Variants in B3GNT9 observed in about 807,000 individuals in gnomAD.
B3GNT9 encodes BGnT-9.
For synonymous variants in B3GNT9, 359 were observed against 283.9 expected (o/e 1.26, Z -2.66); for missense variants, 669 against 599.2 (o/e 1.12, Z -1.22).
rs952374866 is a variant in B3GNT9 at position 67,150,047 on chromosome 16, C to G, written c.439G>C (p.Gly147Arg). The change falls in exon 2 of 2, where the codon GGG becomes CGG. Residue 147 changes from glycine (G) to arginine (R), a missense_variant. Coordinates refer to ENST00000449549, the MANE Select transcript of B3GNT9 (RefSeq NM_033309.3). Reference sequence around the variant, plus strand: ...AAGAACACGCGGCGCACCAGCGCCCCCTGCACGCGACCCTCCGCGCCCCAC... The same window carrying G: ...AAGAACACGCGGCGCACCAGCGCCCGCTGCACGCGACCCTCCGCGCCCCAC... The part of the protein sequence containing the change: ...QTWGAEGRVQ[G>R]ALVRRVFLLG... 5.3e-6 allele frequency: 8 copies of G among 1,500,836 alleles called. No individual in the cohort carries two copies. The highest frequency in any genetic ancestry group is 4.3e-5 in the African/African-American group (3 of 69,846). The allele number at this position is 1,500,836 out of a possible 1,614,324, so 93.0% of individuals were successfully genotyped here.
At position 67,149,334 on chromosome 16, in the gene B3GNT9, C is replaced by A; in HGVS notation, c.1152G>T (p.Gly384=). Residue 384 remains glycine, a synonymous_variant, in exon 2 of 2, where the codon GGG becomes GGT. Coordinates refer to ENST00000449549, the MANE Select transcript of B3GNT9 (RefSeq NM_033309.3). ...CAGGCTGTGGATGCGCACAGGCTGGCCCATGCGGCCCGTGCAGCAGGCGCC... is the reference window on the plus strand; with the variant it reads ...CAGGCTGTGGATGCGCACAGGCTGGACCATGCGGCCCGTGCAGCAGGCGCC... ...LMWRLLHGPH[G]PACAHPQPVA... is the part of the protein sequence containing the mutation. 1 of 1,596,708 alleles carries A rather than the reference C, an allele frequency of 6.3e-7. No individual in the cohort carries two copies.
In B3GNT9 at chr16:67,149,595, G is replaced by C. The variant is rs1320358023; in HGVS notation, c.891C>G (p.Ala297=). The C allele has an allele frequency of 1.3e-6, 2 of 1,599,668 alleles. No individual in the cohort carries two copies. Reference sequence around the variant, plus strand: ...AGGCGCCAGCCAGGCGGTGCAGCGTGGCCCCGGAAAGCACAAAGCCACCGC... The same window carrying C: ...AGGCGCCAGCCAGGCGGTGCAGCGTCGCCCCGGAAAGCACAAAGCCACCGC... ...AGGGGFVLSG[A]TLHRLAGACA... Residue 297 remains alanine, a synonymous_variant, in exon 2 of 2, where the codon GCC becomes GCG. Transcript: ENST00000449549.
rs1180977178 is a variant in B3GNT9, at chr16:67,149,583, G to A, written c.903C>T (p.Arg301=). 6.2e-7 allele frequency: 1 copy of A among 1,602,554 alleles called. No homozygotes were observed. Among genetic ancestry groups the A allele is most frequent in the Non-Finnish European group, 8.5e-7 (1 of 1,175,012 alleles). ...GFVLSGATLH[R]LAGACAQVEL... ...CGACCTGCGCACAGGCGCCAGCCAG[G>A]CGGTGCAGCGTGGCCCCGGAAAGCA... is the stretch of plus-strand genomic sequence containing the variant. The change falls in exon 2 of 2, where the codon CGC becomes CGT. Residue 301 remains arginine (R), a synonymous_variant. Transcript: ENST00000449549.
Position 67,150,204 on chromosome 16 carries a change from C to A in B3GNT9, c.282G>T (p.Arg94=). Residue 94 remains arginine, a synonymous_variant, in exon 2 of 2, where the codon CGG becomes CGT. Coordinates refer to ENST00000449549, the MANE Select transcript of B3GNT9 (RefSeq NM_033309.3). ...GCTGGTTAATGAGCAGTGGAAACCGCCGCTGGTCCTTGGCGCGCAAATAGC... is the reference window on the plus strand; with the variant it reads ...GCTGGTTAATGAGCAGTGGAAACCGACGCTGGTCCTTGGCGCGCAAATAGC... ...FARYLRAKDQ[R]RFPLLINQPH... 1 of 1,555,904 alleles carries A rather than the reference C, an allele frequency of 6.4e-7. No individual in the cohort carries two copies. Among genetic ancestry groups the A allele is most frequent in the Non-Finnish European group, 8.7e-7 (1 of 1,153,786 alleles).
At position 67,148,876 on chromosome 16, in the gene B3GNT9, CCTCCCTGTGGGGCCTG is replaced by C. The variant is rs147313315; in HGVS notation, c.*385_*400del. The C allele has an allele frequency of 0.045, 7,624 of 169,328 alleles. 541 individuals carry two copies. Among genetic ancestry groups the C allele is most frequent in the African/African-American group, 0.16 (6,581 of 42,276 alleles). 10.5% of individuals were successfully genotyped at this position (169,328 alleles called of 1,614,324 possible). ...GGCTGTGGCGGCCGGAGCCCCTCCA[CCTCCCTGTGGGGCCTG>C]GCCTTGAGAGCCTCTGCATACGTCC... On this transcript the variant is annotated 3_prime_UTR_variant, in exon 2 of 2. Coordinates refer to ENST00000449549, the MANE Select transcript of B3GNT9 (RefSeq NM_033309.3).
chr16:67,150,489 C>T lies in B3GNT9; in HGVS notation c.-4G>A, dbSNP rs761378828. The stretch of plus-strand genomic sequence containing the variant: ...GTAGGCGCAGCCTCCTCCTCATCTC[C>T]GCGCGGCCTGCGCCCTCCCTCCCCT... On this transcript the variant is annotated 5_prime_UTR_variant, in exon 2 of 2. Transcript: ENST00000449549. The T allele has an allele frequency of 3.1e-6, 4 of 1,300,000 alleles. No individual in the cohort carries two copies. In the South Asian group the frequency reaches 7.6e-5, roughly 25 times the overall value. 80.5% of individuals were successfully genotyped at this position (1,300,000 alleles called of 1,614,324 possible). A position where few individuals can be genotyped will look rare whatever the true frequency, so the allele number is the denominator to read the frequency against.
Position 67,150,118 on chromosome 16 carries a change from T to G in B3GNT9, c.368A>C (p.Lys123Thr). Reference protein sequence around the residue: ...GGRPDLLIAVKSVAEDFERRQ... With the variant: ...GGRPDLLIAVTSVAEDFERRQ... ...CCGCTCGAAGTCCTCTGCCACCGACTTGACAGCAATAAGCAGGTCCGGGCG... is the reference window on the plus strand; with the variant it reads ...CCGCTCGAAGTCCTCTGCCACCGACGTGACAGCAATAAGCAGGTCCGGGCG... The change falls in exon 2 of 2, where the codon AAG becomes ACG. Residue 123 changes from lysine to threonine, a missense_variant. Transcript: ENST00000449549. 1 of 1,493,208 alleles carries G rather than the reference T, an allele frequency of 6.7e-7. No individual in the cohort carries two copies. Among genetic ancestry groups the G allele is most frequent in the Non-Finnish European group, 8.9e-7 (1 of 1,123,398 alleles). 92.5% of individuals were successfully genotyped at this position (1,493,208 alleles called of 1,614,324 possible).
chr16:67,150,037 A>C lies in B3GNT9; in HGVS notation c.449T>G (p.Val150Gly). 1 of 1,508,460 alleles carries C rather than the reference A, an allele frequency of 6.6e-7. No individual in the cohort carries two copies. The highest frequency in any genetic ancestry group is 1.3e-5 in the South Asian group (1 of 77,328). The allele number at this position is 1,508,460 out of a possible 1,614,324, so 93.4% of individuals were successfully genotyped here. A position where few individuals can be genotyped will look rare whatever the true frequency, so the allele number is the denominator to read the frequency against. Residue 150 changes from valine (V) to glycine (G), a missense_variant, in exon 2 of 2, where the codon GTG (valine) becomes GGG (glycine). Val to Gly is a moderately radical substitution (Grantham distance 109). Transcript: ENST00000449549. ...GAEGRVQGAL[V>G]RRVFLLGVPR... ...CACGCCCAGCAAGAACACGCGGCGC[A>C]CCAGCGCCCCCTGCACGCGACCCTC...
chr16:67,148,406 G>T lies in B3GNT9; in HGVS notation c.*871C>A, dbSNP rs2030293437. 1 of 152,608 alleles carries T rather than the reference G, an allele frequency of 6.6e-6. No individual in the cohort carries two copies. Among genetic ancestry groups the T allele is most frequent in the Admixed American group, 6.5e-5 (1 of 15,274 alleles). The allele number at this position is 152,608 out of a possible 1,614,324, so 9.5% of individuals were successfully genotyped here. A position where few individuals can be genotyped will look rare whatever the true frequency, so the allele number is the denominator to read the frequency against. On this transcript the variant is annotated 3_prime_UTR_variant, in exon 2 of 2. Coordinates refer to ENST00000449549, the MANE Select transcript of B3GNT9 (RefSeq NM_033309.3). The stretch of plus-strand genomic sequence containing the variant: ...CCCCTTGCATATCCCCACTGTCAGG[G>T]GCAGCCAGGACTGTTCCCATCCTCC...
chr16:67,149,376 A>G lies in B3GNT9; in HGVS notation c.1110T>C (p.Ala370=), dbSNP rs746274790. Residue 370 remains alanine (A), a synonymous_variant, in exon 2 of 2, where the codon GCT becomes GCC. Coordinates refer to ENST00000449549, the MANE Select transcript of B3GNT9 (RefSeq NM_033309.3). ...ELVVVHGLSA[A]DIWLMWRLLH... ...GCAGGCGCCACATAAGCCAGATGTC[A>G]GCGGCCGAGAGCCCGTGCACTACAA... The G allele has an allele frequency of 1.2e-6, 2 of 1,602,000 alleles. No individual in the cohort carries two copies. Among genetic ancestry groups the G allele is most frequent in the Non-Finnish European group, 1.7e-6 (2 of 1,174,496 alleles).
chr16:67,149,829 G>A lies in B3GNT9; in HGVS notation c.657C>T (p.Cys219=), dbSNP rs1159729389. The change falls in exon 2 of 2, where the codon TGC becomes TGT. Residue 219 remains cysteine, a synonymous_variant. Coordinates refer to ENST00000449549, the MANE Select transcript of B3GNT9 (RefSeq NM_033309.3). ...CCTTAAAAACGAAGCGCACGTCGGG[G>A]CAGAAAGCTGAGGCCCAGGCTAGAA... ...IHFLAWASAF[C]PDVRFVFKGD... is the part of the protein sequence containing the mutation. The A allele has an allele frequency of 4.3e-6, 7 of 1,613,694 alleles. No individual in the cohort carries two copies. In the African/African-American group the frequency reaches 5.3e-5, roughly 12 times the overall value.
Position 67,149,546 on chromosome 16 carries a change from T to C in B3GNT9, c.940A>G (p.Ile314Val). 6.2e-7 allele frequency: 1 copy of C among 1,608,898 alleles called. No homozygotes were observed. The highest frequency in any genetic ancestry group is 8.5e-7 in the Non-Finnish European group (1 of 1,177,890). The change falls in exon 2 of 2, where the codon ATC becomes GTC. Residue 314 changes from isoleucine (I) to valine (V), a missense_variant. Ile to Val is a conservative substitution (Grantham distance 29). Transcript: ENST00000449549. ...GACAQVELFP[I>V]DDVFLGMCLQ... Reference sequence around the variant, plus strand: ...CACATGCCCAGAAAGACGTCGTCGATGGGGAAGAGCTCGACCTGCGCACAG... The same window carrying C: ...CACATGCCCAGAAAGACGTCGTCGACGGGGAAGAGCTCGACCTGCGCACAG...
In B3GNT9 at chr16:67,149,698, G is replaced by C. The variant is rs376245125; in HGVS notation, c.788C>G (p.Pro263Arg). 9 of 1,612,684 alleles carry C rather than the reference G, an allele frequency of 5.6e-6. No individual in the cohort carries two copies. The highest frequency in any genetic ancestry group is 7.6e-6 in the Non-Finnish European group (9 of 1,179,506). ...GTACTTGCTAGCCCGCGTGCGGATGGGCCGCGCATGCACAATTACGTCACC... is the reference window on the plus strand; with the variant it reads ...GTACTTGCTAGCCCGCGTGCGGATGCGCCGCGCATGCACAATTACGTCACC... ...LAGDVIVHAR[P>R]IRTRASKYYI... The change falls in exon 2 of 2, where the codon CCC becomes CGC. Residue 263 changes from proline (P) to arginine (R), a missense_variant. By Grantham distance (103) the Pro-to-Arg change is moderately radical (BLOSUM62 -2). Transcript: ENST00000449549.
rs1159918609 is a variant in B3GNT9, at chr16:67,149,346, G to A, written c.1140C>T (p.His380=). The change falls in exon 2 of 2, where the codon CAC becomes CAT. Residue 380 remains histidine, a synonymous_variant. Transcript: ENST00000449549. ...GCGCACAGGCTGGCCCATGCGGCCC[G>A]TGCAGCAGGCGCCACATAAGCCAGA... ...ADIWLMWRLL[H]GPHGPACAHP... 6.2e-7 allele frequency: 1 copy of A among 1,601,884 alleles called. No homozygotes were observed. Among genetic ancestry groups the A allele is most frequent in the Non-Finnish European group, 8.5e-7 (1 of 1,174,472 alleles).
At chr16:67,150,823 T>G in intron 1 of B3GNT9, 42 bp downstream of exon 1, 1 of 216,146 alleles carries the variant, frequency 4.6e-6, no homozygotes, top group Non-Finnish European at 9.0e-6. Flanking sequence ...CCTTCCACCC[T>G]GCCATCCCCT....
rs1377252411 is a variant in B3GNT9 at position 67,149,523 on chromosome 16, C to G, written c.963G>C (p.Met321Ile). Residue 321 changes from methionine to isoleucine, a missense_variant, in exon 2 of 2, where the codon ATG becomes ATC. Coordinates refer to ENST00000449549, the MANE Select transcript of B3GNT9 (RefSeq NM_033309.3). ...LFPIDDVFLG[M>I]CLQRLRLTPE... ...GCGTGAGCCGCAGGCGCTGCAGACA[C>G]ATGCCCAGAAAGACGTCGTCGATGG... 6.2e-7 allele frequency: 1 copy of G among 1,609,590 alleles called. No individual in the cohort carries two copies.
In B3GNT9 at chr16:67,148,239, C is replaced by T. The variant is rs1225388947; in HGVS notation, c.*1038G>A. The T allele has an allele frequency of 6.6e-6, 1 of 152,612 alleles. No individual in the cohort carries two copies. The highest frequency in any genetic ancestry group is 2.4e-5 in the African/African-American group (1 of 41,456). 9.5% of individuals were successfully genotyped at this position (152,612 alleles called of 1,614,324 possible). ...TAATTAACTCATGTACAGCCTCATC[C>T]TGTATAGTTTAATGATGAATGTGCA... On this transcript the variant is annotated 3_prime_UTR_variant, in exon 2 of 2. Transcript: ENST00000449549.
chr16:67,150,395 C>T lies in B3GNT9; in HGVS notation c.91G>A (p.Gly31Ser), dbSNP rs1043613847. 1.3e-5 allele frequency: 17 copies of T among 1,353,986 alleles called. No individual in the cohort carries two copies. The highest frequency in any genetic ancestry group is 4.1e-5 in the Admixed American group (1 of 24,542). The allele number at this position is 1,353,986 out of a possible 1,614,324, so 83.9% of individuals were successfully genotyped here. ...GGCGCGCTCGCCGTCGGGGCCGCGC[C>T]GTCGCGCTGCGCATAGAGTAAGAGG... ...LGLLLYAQRD[G>S]AAPTASAPRG... Residue 31 changes from glycine to serine, a missense_variant, in exon 2 of 2, where the codon GGC (glycine) becomes AGC (serine). Coordinates refer to ENST00000449549, the MANE Select transcript of B3GNT9 (RefSeq NM_033309.3).
Position 67,149,289 on chromosome 16 carries a change from T to C in B3GNT9, c.1197A>G (p.Gln399=), listed in dbSNP as rs1387390174. ...CTGTAGTGGGGAGCTAGGAGTCCCA[T>C]TGGAAGGGGCCTGCAGCGACAGGCT... ...HPQPVAAGPF[Q]WDS The change falls in exon 2 of 2, where the codon CAA becomes CAG. Residue 399 remains glutamine, a synonymous_variant. Coordinates refer to ENST00000449549, the MANE Select transcript of B3GNT9 (RefSeq NM_033309.3). 15 of 1,541,618 alleles carry C rather than the reference T, an allele frequency of 9.7e-6. No homozygotes were observed. The highest frequency in any genetic ancestry group is 2.5e-5 in the South Asian group (2 of 79,172).
Sources: gnomAD v4.1 joint callset for allele counts on GRCh38, gnomAD v4.1.1 for gene constraint, MANE v1.5 for transcripts, NCBI Gene and HGNC (gene_info 2026-07-23, HGNC 2026-07-21) for gene names.